Variants in KIAA1217 observed in about 807,000 individuals in gnomAD.
The protein encoded by KIAA1217 is sickle tail protein homolog.
Under a neutral mutation model 163.9 loss-of-function variants are expected in KIAA1217, and 88 were observed. The ratio of observed to expected loss-of-function variants is 0.54; its 90% CI spans 0.45 to 0.64. The LOEUF is 0.64. Among genes scored for constraint, KIAA1217 ranks in the 30% least tolerant of loss-of-function variants. The probability of loss-of-function intolerance (pLI) is 0.00; values close to 1 mark genes in which losing one functional copy is unlikely to be tolerated. For synonymous variants in KIAA1217, 903 were observed against 923.1 expected, an observed-to-expected ratio of 0.98 and a Z score of 0.39; for missense variants, 2,372 against 2,475.0, an observed-to-expected ratio of 0.96 and a Z score of 0.88.
At chr10:23,803,518 A>C (rs900173566) in intron 1 of KIAA1217, among the ~76,000 whole-genome samples, 2 of 152,212 alleles carry the variant, frequency 1.3e-5, no homozygotes, top group Non-Finnish European at 2.9e-5. Context: ...TTTTGAAACT[A>C]AATCACAGTC....
At position 24,210,542 on chromosome 10, in the gene KIAA1217, T is replaced by C. The variant is rs141729177; in HGVS notation, c.70+1279T>C. ...ACCTCTGGGCCTGTCCTGAAAGAGA[T>C]GACTCAGATTCTAGAGGGGCCATTA... On this transcript the variant is annotated intron_variant, in intron 1 of 20. Transcript: ENST00000376454. Among the ~76,000 whole-genome samples, 537 of 145,906 alleles carry C rather than the reference T, an allele frequency of 3.7e-3. 11 individuals carry two copies. The East Asian group carries it at 0.064, about 17-fold the overall frequency.
intron 1 of KIAA1217, among the ~76,000 whole-genome samples, chr10:23,974,647 C>T (rs980919268): frequency 1.3e-5 from 2 of 151,998 alleles, no homozygotes; most frequent in Admixed American, 6.6e-5. Context: ...TATAGTGACA[C>T]CTCGTGTCTG....
intron 1 of KIAA1217, among the ~76,000 whole-genome samples, chr10:23,714,526 G>A (rs1460867976): frequency 5.9e-5 from 9 of 151,976 alleles, no homozygotes; most frequent in Admixed American, 2.6e-4. Flanking sequence ...TCCTGAATAC[G>A]CTATGCTGCC....
intron 2 of KIAA1217, among the ~76,000 whole-genome samples, chr10:24,074,324 G>A (rs1485185266): frequency 1.3e-5 from 2 of 152,024 alleles, no homozygotes; most frequent in African/African-American, 4.8e-5. Flanking sequence ...ACTCCAGCCT[G>A]GGAAACAGAG....
At chr10:23,968,370 G>T (rs1845161254) in intron 1 of KIAA1217, among the ~76,000 whole-genome samples, 1 of 152,192 alleles carries the variant, frequency 6.6e-6, no homozygotes, top group Non-Finnish European at 1.5e-5. Flanking sequence ...AAGAGTTATA[G>T]CTCATTTCTT....
At chr10:23,772,357 A>T (rs1197808845) in intron 1 of KIAA1217, among the ~76,000 whole-genome samples, 1 of 152,150 alleles carries the variant, frequency 6.6e-6, no homozygotes, top group African/African-American at 2.4e-5. Flanking sequence ...TTCTACTTTA[A>T]ATCATGAAGT....
chr10:23,858,518 A>G (rs1160784518), intron 1 of KIAA1217, among the ~76,000 whole-genome samples: 2 of 152,104 alleles, frequency 1.3e-5, no homozygotes, highest in Non-Finnish European at 2.9e-5. Context: ...GAGCAGTTGT[A>G]TACACATGTC....
intron 1 of KIAA1217, among the ~76,000 whole-genome samples, chr10:23,754,140 T>C (rs1564392739): frequency 6.6e-6 from 1 of 152,086 alleles, no homozygotes; most frequent in Non-Finnish European, 1.5e-5. Context: ...TCTCAGAATA[T>C]AGTACAGTGC....
chr10:24,173,133 T>C (rs1436552517), intron 2 of KIAA1217, among the ~76,000 whole-genome samples: 1 of 152,142 alleles, frequency 6.6e-6, no homozygotes, highest in Non-Finnish European at 1.5e-5. Flanking sequence ...CCACCTCCTG[T>C]CAGATCACTG....
At chr10:24,131,975 C>T (rs1376291421) in intron 2 of KIAA1217, among the ~76,000 whole-genome samples, 2 of 152,182 alleles carry the variant, frequency 1.3e-5, no homozygotes, top group Non-Finnish European at 2.9e-5. Flanking sequence ...GGTTATTACA[C>T]ACAGCATAGT....
intron 2 of KIAA1217, among the ~76,000 whole-genome samples, chr10:24,017,040 GTTTT>G (rs35042335): frequency 1.5e-5 from 2 of 130,222 alleles, no homozygotes; most frequent in Non-Finnish European, 3.2e-5. Flanking sequence ...TAGTTTTTTT[GTTTT>G]TTTTTTTTTT....
At chr10:24,046,835 G>C (rs150134666) in intron 2 of KIAA1217, among the ~76,000 whole-genome samples, 57 of 152,294 alleles carry the variant, frequency 3.7e-4, no homozygotes, top group African/African-American at 1.3e-3. Context: ...CAGTGGTTTT[G>C]AGCCTTGTAC....
intron 6 of KIAA1217, among the ~76,000 whole-genome samples, chr10:24,484,739 C>G (rs984948778): frequency 6.6e-6 from 1 of 151,994 alleles, no homozygotes; most frequent in African/African-American, 2.4e-5. Flanking sequence ...GGGACAAGTT[C>G]TGTGCAATTT....
chr10:23,872,159 G>T (rs1211673641), intron 1 of KIAA1217, among the ~76,000 whole-genome samples: 1 of 152,050 alleles, frequency 6.6e-6, no homozygotes, highest in Non-Finnish European at 1.5e-5. Context: ...GCAGCAGAGT[G>T]AGACTAGGGG....
chr10:23,797,824 C>T (rs1836280135), intron 1 of KIAA1217, among the ~76,000 whole-genome samples: 1 of 152,088 alleles, frequency 6.6e-6, no homozygotes, highest in Non-Finnish European at 1.5e-5. Context: ...GACACAGAGC[C>T]AAACCATATT....
At chr10:24,171,909 G>A (rs1189139101) in intron 2 of KIAA1217, among the ~76,000 whole-genome samples, 2 of 152,212 alleles carry the variant, frequency 1.3e-5, no homozygotes, top group Non-Finnish European at 2.9e-5. Context: ...CTTCCTGCAA[G>A]CTAGGAACGG....
At chr10:23,703,097 T>C (rs1836591968) in intron 1 of KIAA1217, among the ~76,000 whole-genome samples, 1 of 152,140 alleles carries the variant, frequency 6.6e-6, no homozygotes, top group African/African-American at 2.4e-5. Flanking sequence ...CTTCCCTCCA[T>C]GCCCTGGTTA....
intron 1 of KIAA1217, among the ~76,000 whole-genome samples, chr10:23,704,146 A>ATG (rs1241004091): frequency 0.015 from 991 of 64,734 alleles, 23 homozygotes; most frequent in African/African-American, 0.017. Flanking sequence ...GTGTGTGTGT[A>ATG]TGTGTGTGTG....
chr10:24,427,984 A>G (rs1028396622), intron 3 of KIAA1217, among the ~76,000 whole-genome samples: 1 of 152,220 alleles, frequency 6.6e-6, no homozygotes, highest in Admixed American at 6.5e-5. Context: ...ACGTTCTGTG[A>G]CTGGACTCAT....
Sources: gnomAD v4.1 joint callset for allele counts (sites outside exome capture counted in the v4.1 genomes callset) on GRCh38, gnomAD v4.1.1 for gene constraint, MANE v1.5 for transcripts, NCBI Gene and HGNC (gene_info 2026-07-23, HGNC 2026-07-21) for gene names.